The following ADAMTS12 variants were observed in gnomAD, a reference collection of about 807,000 sequenced individuals.
The protein encoded by ADAMTS12 is A disintegrin and metalloproteinase with thrombospondin motifs 12.
A neutral mutation model predicts 167.8 loss-of-function variants in ADAMTS12; 118 were observed. The observed-to-expected ratio is 0.70, with a 90% CI of 0.61 to 0.82. The LOEUF (loss-of-function observed/expected upper bound fraction) is 0.82. ADAMTS12 is among the 40% of genes least tolerant of loss of function. ADAMTS12 has a pLI of 0.00. For missense variants in ADAMTS12, 1,916 were observed against 1,998.8 expected, an observed-to-expected ratio of 0.96 and a Z score of 0.79; for synonymous variants, 704 against 716.9, an observed-to-expected ratio of 0.98 and a Z score of 0.29.
In ADAMTS12 at chr5:33,690,234, C is replaced by T. The variant is rs139878087; in HGVS notation, c.635-6179G>A. 3.7e-3 allele frequency among the ~76,000 whole-genome samples: 562 copies of T among 152,286 alleles called. 4 individuals carry two copies. Among genetic ancestry groups the T allele is most frequent in the African/African-American group, 0.013 (545 of 41,570 alleles). ...ATTTGAAGGGTCTCTGTAGGAAGCTCATTTTTACTCCACAAAAAGTTTACC... is the reference window on the plus strand; with the variant it reads ...ATTTGAAGGGTCTCTGTAGGAAGCTTATTTTTACTCCACAAAAAGTTTACC... On this transcript the variant is annotated intron_variant, in intron 3 of 23. Transcript: ENST00000504830.
intron 3 of ADAMTS12, among the ~76,000 whole-genome samples, chr5:33,722,889 G>A (rs183570672): frequency 1.2e-3 from 186 of 152,324 alleles, no homozygotes; most frequent in African/African-American, 4.4e-3. Context: ...AGTGAGGCAG[G>A]AGAGGGCTAT....
At chr5:33,545,296 C>G (rs1208780237) in intron 22 of ADAMTS12, among the ~76,000 whole-genome samples, 5 of 152,288 alleles carry the variant, frequency 3.3e-5, no homozygotes, top group African/African-American at 7.2e-5. Flanking sequence ...AAATGCAAAT[C>G]AAAACCACAA....
intron 14 of ADAMTS12, 50 bp downstream of exon 14, chr5:33,624,181 G>GC (rs758102315): frequency 2.5e-6 from 4 of 1,608,898 alleles, no homozygotes; most frequent in East Asian, 2.2e-5. Context: ...CATTTATCTT[G>GC]CCCCCCACCT....
At chr5:33,779,879 T>C (rs1464349045) in intron 2 of ADAMTS12, among the ~76,000 whole-genome samples, 2 of 152,172 alleles carry the variant, frequency 1.3e-5, no homozygotes, top group Non-Finnish European at 2.9e-5. Flanking sequence ...GAAGGATAAG[T>C]TCTGGAGAGC....
chr5:33,747,123 G>A lies in ADAMTS12; in HGVS notation c.634+4281C>T, dbSNP rs150730573. On this transcript the variant is annotated intron_variant, in intron 3 of 23. Coordinates refer to ENST00000504830, the MANE Select transcript of ADAMTS12 (RefSeq NM_030955.4). ...GTGCTGCTCCCTATTTTTGCTCCGG[G>A]GAAAAAAGACATTAGGACTCATAGG... Among the ~76,000 whole-genome samples, 1,464 of 152,070 alleles carry A rather than the reference G, an allele frequency of 9.6e-3. 20 individuals are homozygous for A. Among genetic ancestry groups the A allele is most frequent in the African/African-American group, 0.034 (1,397 of 41,472 alleles).
intron 5 of ADAMTS12, among the ~76,000 whole-genome samples, chr5:33,674,795 C>G (rs545430302): frequency 2.0e-5 from 3 of 152,154 alleles, no homozygotes; most frequent in Non-Finnish European, 4.4e-5. Context: ...AAAAGCATGG[C>G]AGACTAACTT....
chr5:33,781,503 C>T lies in ADAMTS12; in HGVS notation c.490-29955G>A, dbSNP rs148122223. ...CCAGACCAGGGACCACACTAAGTGA[C>T]ATGACTCACATTGACCAGGCCAATC... On this transcript the variant is annotated intron_variant, in intron 2 of 23. Transcript: ENST00000504830. 3.5e-3 allele frequency among the ~76,000 whole-genome samples: 539 copies of T among 152,230 alleles called. 2 individuals are homozygous for T. The highest frequency in any genetic ancestry group is 0.012 in the African/African-American group (518 of 41,532).
chr5:33,575,878 T>C (rs79087676), intron 19 of ADAMTS12, among the ~76,000 whole-genome samples, 176 bp downstream of exon 19: 100 of 152,320 alleles, frequency 6.6e-4, no homozygotes, highest in African/African-American at 2.4e-3. Context: ...TAATTTTTTT[T>C]CCATTTAAAG....
chr5:33,579,541 T>C (rs1338751646), intron 18 of ADAMTS12, among the ~76,000 whole-genome samples: 1 of 145,430 alleles, frequency 6.9e-6, no homozygotes, highest in African/African-American at 2.5e-5. Context: ...ACTTGTACAC[T>C]TTTACAAAAA....
chr5:33,774,634 G>C (rs1745852227), intron 2 of ADAMTS12, among the ~76,000 whole-genome samples: 1 of 146,522 alleles, frequency 6.8e-6, no homozygotes, highest in South Asian at 2.2e-4. Flanking sequence ...TTGAAAAGTT[G>C]AAAATTATTT....
intron 2 of ADAMTS12, among the ~76,000 whole-genome samples, chr5:33,799,926 G>A (rs1561278597): frequency 6.6e-6 from 1 of 152,200 alleles, no homozygotes. Context: ...AGGAGCAACA[G>A]AGACCAGTAG....
chr5:33,676,822 C>T (rs1461372415), intron 5 of ADAMTS12, among the ~76,000 whole-genome samples: 2 of 152,128 alleles, frequency 1.3e-5, no homozygotes, highest in East Asian at 3.9e-4. Flanking sequence ...GGGTAAACCA[C>T]CAGCCTGAAT....
At chr5:33,704,565 T>C (rs917352527) in intron 3 of ADAMTS12, among the ~76,000 whole-genome samples, 1 of 152,196 alleles carries the variant, frequency 6.6e-6, no homozygotes, top group South Asian at 2.1e-4. Context: ...TAATGTCTTA[T>C]TGTGGTTTTG....
At chr5:33,826,012 A>G (rs1748053414) in intron 2 of ADAMTS12, among the ~76,000 whole-genome samples, 1 of 152,176 alleles carries the variant, frequency 6.6e-6, no homozygotes. Context: ...CCATAGTTGA[A>G]CAGGCGGTAC....
chr5:33,828,055 G>A (rs1191180215), intron 2 of ADAMTS12, among the ~76,000 whole-genome samples: 1 of 152,108 alleles, frequency 6.6e-6, no homozygotes, highest in Non-Finnish European at 1.5e-5. Flanking sequence ...ATATACCCAG[G>A]AATGGGATGG....
intron 19 of ADAMTS12, among the ~76,000 whole-genome samples, chr5:33,571,426 C>T (rs1746338680): frequency 6.6e-6 from 1 of 152,094 alleles, no homozygotes; most frequent in Non-Finnish European, 1.5e-5. Context: ...CAAACTAGAA[C>T]TCAGGATTAA....
rs1026432850 is a variant in ADAMTS12, at chr5:33,881,282, T to C, written c.326A>G (p.Asn109Ser). 5 of 1,614,096 alleles carry C rather than the reference T, an allele frequency of 3.1e-6. No homozygotes were observed. The African/African-American group carries it at 5.3e-5, about 17-fold the overall frequency. ...GTAGCTATTGGAAAGAAATCCTTGA[T>C]TGACCGTCAAGTTAAAAAACAGGTC... The part of the protein sequence containing the change: ...EKDLFFNLTV[N>S]QGFLSNSYIM... Residue 109 changes from asparagine to serine, a missense_variant, in exon 2 of 24, where the codon AAT (asparagine) becomes AGT (serine). Coordinates refer to ENST00000504830, the MANE Select transcript of ADAMTS12 (RefSeq NM_030955.4).
chr5:33,612,221 G>T (rs1738763078), intron 16 of ADAMTS12, among the ~76,000 whole-genome samples: 1 of 152,198 alleles, frequency 6.6e-6, no homozygotes, highest in African/African-American at 2.4e-5. Flanking sequence ...TGTGAGCATT[G>T]TGATCTTTCC....
At chr5:33,641,150 G>C (rs551588832) in intron 11 of ADAMTS12, among the ~76,000 whole-genome samples, 19 of 151,994 alleles carry the variant, frequency 1.3e-4, no homozygotes, top group African/African-American at 4.6e-4. Context: ...TGTGTATTTG[G>C]AAAACAAGCA....
Sources: gnomAD v4.1 joint callset for allele counts (sites outside exome capture counted in the v4.1 genomes callset) on GRCh38, gnomAD v4.1.1 for gene constraint, MANE v1.5 for transcripts, NCBI Gene and HGNC (gene_info 2026-07-23, HGNC 2026-07-21) for gene names.